The following ANKFY1 variants were observed in gnomAD, a reference collection of about 807,000 sequenced individuals.
The protein encoded by ANKFY1 is ankyrin repeat and FYVE domain containing 1, also known as ankyrin repeat and FYVE domain-containing protein 1.
A neutral mutation model predicts 128.3 loss-of-function variants in ANKFY1; 47 were observed. The observed-to-expected ratio is 0.37, with a 90% CI of 0.29 to 0.47. The LOEUF (loss-of-function observed/expected upper bound fraction) is 0.47. Among genes scored for constraint, ANKFY1 ranks in the 20% least tolerant of loss-of-function variants. The pLI, the probability that ANKFY1 is intolerant of heterozygous loss-of-function variation, is 1.00. For synonymous variants in ANKFY1, 553 were observed against 601.6 expected, an observed-to-expected ratio of 0.92 and a Z score of 1.18; for missense variants, 1,222 against 1,510.6, an observed-to-expected ratio of 0.81 and a Z score of 3.17.
At chr17:4,200,977 A>G (rs537463498) in intron 7 of ANKFY1, among the ~76,000 whole-genome samples, 1 of 152,304 alleles carries the variant, frequency 6.6e-6, no homozygotes, top group Non-Finnish European at 1.5e-5. Context: ...ATTTGAATAT[A>G]CAGGTTTCAT....
rs542996028 is a variant in ANKFY1 at position 4,256,166 on chromosome 17, T to C, written c.10+7766A>G. 7.9e-4 allele frequency among the ~76,000 whole-genome samples: 118 copies of C among 149,024 alleles called. 1 individual carries two copies. In the South Asian group the frequency reaches 0.014, roughly 18 times the overall value. On this transcript the variant is annotated intron_variant, in intron 1 of 24. Transcript: ENST00000341657. ...CCAGGTGGCCAGGCGCGGTGGCTCA[T>C]GCCTGTAATCCCAGCACTTTGGGAG...
chr17:4,227,544 C>A (rs1264079773), intron 3 of ANKFY1, among the ~76,000 whole-genome samples: 1 of 152,050 alleles, frequency 6.6e-6, no homozygotes, highest in Non-Finnish European at 1.5e-5. Flanking sequence ...CAAGAAAAAC[C>A]TACAACTAAT....
chr17:4,179,018 T>C lies in ANKFY1; in HGVS notation c.2437A>G (p.Ser813Gly). The C allele has an allele frequency of 6.2e-7, 1 of 1,614,248 alleles. No individual in the cohort carries two copies. The highest frequency in any genetic ancestry group is 2.2e-5 in the East Asian group (1 of 44,888). The stretch of plus-strand genomic sequence containing the variant: ...AGCTGAATGATGACACCGTGTTGGC[T>C]GCTGATGGCCACGTGGATGGGGGTT... ...GRTPIHVAIS[S>G]QHGVIIQLLV... The change falls in exon 18 of 25, where the codon AGC becomes GGC. Residue 813 changes from serine (S) to glycine (G), a missense_variant. Physicochemically the swap from Ser to Gly is moderately conservative, Grantham distance 56. Coordinates refer to ENST00000341657, the MANE Select transcript of ANKFY1 (RefSeq NM_001330063.2).
At chr17:4,200,637 C>T (rs886796539) in intron 7 of ANKFY1, among the ~76,000 whole-genome samples, 8 of 152,194 alleles carry the variant, frequency 5.3e-5, no homozygotes, top group Non-Finnish European at 8.8e-5. Context: ...GTTGACTATA[C>T]TCCTTAAATG....
intron 3 of ANKFY1, among the ~76,000 whole-genome samples, chr17:4,217,947 G>A (rs992014329): frequency 6.6e-6 from 1 of 152,276 alleles, no homozygotes; most frequent in South Asian, 2.1e-4. Context: ...GCCTCCTAAA[G>A]CATTAGGATT....
At position 4,172,569 on chromosome 17, in the gene ANKFY1, T is replaced by C. The variant is rs761599068; in HGVS notation, c.3126A>G (p.Ala1042=). The part of the protein sequence containing the change: ...MPGYPLDKPD[A]DGSTVLLLAY... ...CTTGGTACACACCCGTGCTGCCGTC[T>C]GCATCCGGCTTGTCCAGAGGATACC... The change falls in exon 22 of 25, where the codon GCA becomes GCG. Residue 1042 remains alanine, a synonymous_variant. Coordinates refer to ENST00000341657, the MANE Select transcript of ANKFY1 (RefSeq NM_001330063.2). 2 of 1,613,858 alleles carry C rather than the reference T, an allele frequency of 1.2e-6. No individual in the cohort carries two copies. The highest frequency in any genetic ancestry group is 1.7e-6 in the Non-Finnish European group (2 of 1,179,842).
chr17:4,223,022 T>C (rs1309814422), intron 3 of ANKFY1: 1 of 790,474 alleles, frequency 1.3e-6, no homozygotes, highest in African/African-American at 1.7e-5. Flanking sequence ...ACAGGATAAC[T>C]CTAATAAAAG....
At chr17:4,231,437 C>T (rs575288387) in intron 3 of ANKFY1, among the ~76,000 whole-genome samples, 22 of 151,940 alleles carry the variant, frequency 1.4e-4, no homozygotes, top group African/African-American at 4.3e-4. Context: ...TTCAGTGAGC[C>T]GCGATAGTGT....
chr17:4,256,227 G>A (rs1409879528), intron 1 of ANKFY1, among the ~76,000 whole-genome samples: 2 of 152,096 alleles, frequency 1.3e-5, no homozygotes, highest in African/African-American at 2.4e-5. Flanking sequence ...AGGAGATCGA[G>A]ACCATCCTGG....
intron 24 of ANKFY1, chr17:4,168,941 G>A (rs576663196): frequency 2.3e-5 from 11 of 486,602 alleles, no homozygotes; most frequent in African/African-American, 3.8e-5. Context: ...GATGGCACAG[G>A]CCTGGCAGGC....
At chr17:4,224,380 G>A (rs2060385885) in intron 3 of ANKFY1, among the ~76,000 whole-genome samples, 1 of 151,826 alleles carries the variant, frequency 6.6e-6, no homozygotes, top group African/African-American at 2.4e-5. Context: ...GCACCACCAC[G>A]CCCGACTAAT....
chr17:4,216,234 T>A (rs1395920576), intron 4 of ANKFY1, among the ~76,000 whole-genome samples: 1 of 152,178 alleles, frequency 6.6e-6, no homozygotes, highest in Non-Finnish European at 1.5e-5. Flanking sequence ...TCCTGATGAC[T>A]GAAACCATCC....
intron 1 of ANKFY1, among the ~76,000 whole-genome samples, chr17:4,246,937 C>A (rs1296590330): frequency 6.6e-6 from 1 of 151,868 alleles, no homozygotes; most frequent in Non-Finnish European, 1.5e-5. Flanking sequence ...CATGGTGAAA[C>A]CCCGTCTCTA....
In ANKFY1 at chr17:4,169,267, G is replaced by A. The variant is rs373998618; in HGVS notation, c.3308C>T (p.Pro1103Leu). The A allele has an allele frequency of 8.4e-6, 13 of 1,551,072 alleles. No individual in the cohort carries two copies. In the African/African-American group the frequency reaches 9.6e-5, roughly 11 times the overall value. ...ATAGCAGTAGGAGCCGTCACACCACGGAGGCTCCTTGGACAGCATATCTGC... is the reference window on the plus strand; with the variant it reads ...ATAGCAGTAGGAGCCGTCACACCACAGAGGCTCCTTGGACAGCATATCTGC... ...RLLDMLSKEP[P>L]WCDGSYCYEC... The change falls in exon 24 of 25, where the codon CCG becomes CTG. Residue 1103 changes from proline (P) to leucine (L), a missense_variant. Physicochemically the swap from Pro to Leu is moderately conservative, Grantham distance 98 (BLOSUM62 -3). Transcript: ENST00000341657. The surrounding 1 kb of genome is among the most constrained non-coding windows in gnomAD (Gnocchi z 5.0).
rs976852507 is a variant in ANKFY1, at chr17:4,169,710, C to T, written c.3287-422G>A. Among the ~76,000 whole-genome samples the T allele has an allele frequency of 1.3e-5, 2 of 152,118 alleles. No homozygotes were observed. Among genetic ancestry groups the T allele is most frequent in the African/African-American group, 2.4e-5 (1 of 41,418 alleles). ...ACTGAACACAAGTGTGGGATGTGAGCGGGAGCAGGCAGAAGACACGGGTGA... is the reference window on the plus strand; with the variant it reads ...ACTGAACACAAGTGTGGGATGTGAGTGGGAGCAGGCAGAAGACACGGGTGA... On this transcript the variant is annotated intron_variant, in intron 23 of 24. Transcript: ENST00000341657. This position sits in a 1 kb window ranked among gnomAD's most constrained non-coding sequence, Gnocchi z 5.0.
chr17:4,231,729 G>C (rs548251260), intron 3 of ANKFY1, among the ~76,000 whole-genome samples: 3 of 151,964 alleles, frequency 2.0e-5, no homozygotes, highest in African/African-American at 7.2e-5. Flanking sequence ...AGGATTCCTT[G>C]AGTCCAGGAG....
intron 3 of ANKFY1, among the ~76,000 whole-genome samples, chr17:4,228,687 A>C (rs994457084): frequency 3.9e-5 from 6 of 152,110 alleles, no homozygotes; most frequent in Non-Finnish European, 8.8e-5. Context: ...AAAGTGCTGG[A>C]ATTACAGGCG....
chr17:4,230,099 C>G (rs12602879), intron 3 of ANKFY1, among the ~76,000 whole-genome samples: 1 of 152,038 alleles, frequency 6.6e-6, no homozygotes. Context: ...CAGTAGCCAA[C>G]AGATGTTGAA....
intron 10 of ANKFY1, among the ~76,000 whole-genome samples, chr17:4,192,797 C>T (rs1298954526): frequency 7.2e-5 from 11 of 152,160 alleles, no homozygotes; most frequent in Non-Finnish European, 1.5e-4. Flanking sequence ...GTGTTTAAAA[C>T]TCATCAAAAC....
Sources: gnomAD v4.1 joint callset for allele counts (sites outside exome capture counted in the v4.1 genomes callset) on GRCh38, gnomAD v4.1.1 for gene constraint, Gnocchi (gnomAD v3.1) non-coding constraint, MANE v1.5 for transcripts, NCBI Gene and HGNC (gene_info 2026-07-23, HGNC 2026-07-21) for gene names.